Variants in CEP128 observed in about 807,000 individuals in gnomAD.
CEP128 encodes the protein centrosomal protein 128.
In CEP128, 132 loss-of-function variants were observed where a neutral mutation model predicts 156.7. The observed-to-expected ratio is 0.84, with a 90% CI of 0.73 to 0.97. The LOEUF is 0.97. Ranked by LOEUF, CEP128 falls within the 50% of genes least tolerant of loss-of-function variation. CEP128 has a pLI of 0.00. For missense variants in CEP128, 1,252 were observed against 1,281.9 expected, an observed-to-expected ratio of 0.98 and a Z score of 0.36; for synonymous variants, 469 against 448.9, an observed-to-expected ratio of 1.04 and a Z score of -0.57.
intron 19 of CEP128, among the ~76,000 whole-genome samples, chr14:80,632,008 G>A (rs1893979727): frequency 6.6e-6 from 1 of 151,962 alleles, no homozygotes; most frequent in Non-Finnish European, 1.5e-5. Context: ...CATATTACTA[G>A]CTGATGTGTT....
intron 9 of CEP128, among the ~76,000 whole-genome samples, chr14:80,846,033 TAACG>T (rs1886583618): frequency 1.3e-5 from 2 of 152,188 alleles, no homozygotes; most frequent in Non-Finnish European, 2.9e-5. Context: ...GTCATAGCAT[TAACG>T]GCATTAAATG....
At chr14:80,694,016 G>A (rs538403441) in intron 19 of CEP128, among the ~76,000 whole-genome samples, 1 of 152,176 alleles carries the variant, frequency 6.6e-6, no homozygotes, top group African/African-American at 2.4e-5. Context: ...AGTGTTTTAG[G>A]TTCTTCCTGA....
chr14:80,931,030 C>T (rs1377667002), intron 2 of CEP128, among the ~76,000 whole-genome samples: 1 of 152,148 alleles, frequency 6.6e-6, no homozygotes, highest in East Asian at 1.9e-4. Context: ...AATGAGTCAT[C>T]GTGGTATGCA....
chr14:80,828,503 T>A (rs1482104155), intron 13 of CEP128, among the ~76,000 whole-genome samples: 1 of 152,186 alleles, frequency 6.6e-6, no homozygotes, highest in Non-Finnish European at 1.5e-5. Context: ...ATTAGTGATA[T>A]GGACAAAAGG....
intron 19 of CEP128, among the ~76,000 whole-genome samples, chr14:80,645,858 T>C (rs905952598): frequency 2.6e-5 from 4 of 152,122 alleles, no homozygotes; most frequent in African/African-American, 9.7e-5. Flanking sequence ...TACACTGTGG[T>C]AAATCCAGAC....
chr14:80,487,153 T>C (rs1228263788), downstream of CEP128, among the ~76,000 whole-genome samples: 1 of 151,926 alleles, frequency 6.6e-6, no homozygotes, highest in Non-Finnish European at 1.5e-5. Flanking sequence ...GAGACACACA[T>C]AGGCTCAAAA....
At chr14:80,509,880 C>T (rs528920525) in intron 23 of CEP128, among the ~76,000 whole-genome samples, 45 of 152,254 alleles carry the variant, frequency 3.0e-4, no homozygotes, top group African/African-American at 8.9e-4. Flanking sequence ...ATCAAAGAGA[C>T]TGTCTTTTCC....
At chr14:80,947,541 A>G (rs1004329301) in intron 2 of CEP128, among the ~76,000 whole-genome samples, 6 of 152,204 alleles carry the variant, frequency 3.9e-5, no homozygotes, top group Non-Finnish European at 8.8e-5. Flanking sequence ...ACACAGCATT[A>G]AACTAAGCAC....
exon 15 of CEP128, chr14:80,477,223 T>C (rs1400256565): frequency 6.6e-6 from 1 of 152,050 alleles, no homozygotes; most frequent in African/African-American, 2.4e-5. Context: ...CTTATGAAAA[T>C]CCATATATTC....
intron 2 of CEP128, among the ~76,000 whole-genome samples, chr14:80,921,848 A>G (rs1456642502): frequency 2.6e-5 from 4 of 152,048 alleles, no homozygotes; most frequent in Non-Finnish European, 5.9e-5. Context: ...CTGTAATCCC[A>G]GCCACTCAGG....
At chr14:80,503,422 A>C (rs900699284) in intron 24 of CEP128, among the ~76,000 whole-genome samples, 1 of 152,190 alleles carries the variant, frequency 6.6e-6, no homozygotes, top group African/African-American at 2.4e-5. Flanking sequence ...CTATCATAGT[A>C]CTAAATACAA....
At chr14:80,539,061 G>A (rs1889619190) in intron 21 of CEP128, among the ~76,000 whole-genome samples, 1 of 152,202 alleles carries the variant, frequency 6.6e-6, no homozygotes, top group East Asian at 1.9e-4. Flanking sequence ...AATACTATTT[G>A]ATGAAGGAAA....
intron 8 of CEP128, among the ~76,000 whole-genome samples, chr14:80,865,336 G>A (rs1169384346): frequency 6.6e-6 from 1 of 152,048 alleles, no homozygotes; most frequent in Non-Finnish European, 1.5e-5. Context: ...CTGTTCTTTG[G>A]TCAATAGATA....
chr14:80,807,723 G>A (rs777837775), intron 13 of CEP128, among the ~76,000 whole-genome samples: 18 of 152,260 alleles, frequency 1.2e-4, no homozygotes, highest in Admixed American at 3.3e-4. Flanking sequence ...TGCACCAGAC[G>A]GGAACTTGTG....
chr14:80,929,538 C>G (rs1885337846), intron 2 of CEP128, among the ~76,000 whole-genome samples: 1 of 152,104 alleles, frequency 6.6e-6, no homozygotes, highest in Non-Finnish European at 1.5e-5. Context: ...TACTACTCAG[C>G]CATAAAGAAG....
At chr14:80,845,200 C>A (rs1367482167) in intron 9 of CEP128, among the ~76,000 whole-genome samples, 1 of 152,150 alleles carries the variant, frequency 6.6e-6, no homozygotes, top group African/African-American at 2.4e-5. Context: ...TTAATTACTT[C>A]ATGAAAAAGC....
intron 19 of CEP128, among the ~76,000 whole-genome samples, chr14:80,736,362 A>T (rs978012104): frequency 3.3e-5 from 5 of 152,148 alleles, no homozygotes; most frequent in African/African-American, 9.7e-5. Context: ...GCTTTGCCTT[A>T]CTCATCTCCC....
At chr14:80,816,904 G>C (rs375544034) in intron 13 of CEP128, among the ~76,000 whole-genome samples, 2 of 151,240 alleles carry the variant, frequency 1.3e-5, no homozygotes, top group Non-Finnish European at 2.9e-5. Flanking sequence ...ATCCTGCTAA[G>C]AGGTCAACTT....
chr14:80,483,309 T>C (rs139427265), intron 14 of CEP128, among the ~76,000 whole-genome samples: 11 of 152,344 alleles, frequency 7.2e-5, no homozygotes, highest in African/African-American at 2.6e-4. Context: ...GGCCTTCAGC[T>C]GTAGACTTGC....
Sources: allele counts gnomAD v4.1 joint callset (sites outside exome capture counted in the v4.1 genomes callset), GRCh38; gene constraint gnomAD v4.1.1; transcripts MANE v1.5; gene names NCBI Gene and HGNC (gene_info 2026-07-23, HGNC 2026-07-21).